The following TLR5 variants were observed in gnomAD, a reference collection of about 807,000 sequenced individuals.
TLR5 encodes toll like receptor 5.
For missense variants in TLR5, 944 were observed against 999.8 expected (o/e 0.94, Z 0.75); for synonymous variants, 373 against 384.4 (o/e 0.97, Z 0.35).
chr1:223,141,508 C>T (rs1657837142), intron 2 of TLR5, 140 bp downstream of exon 2: 1 of 152,076 alleles, frequency 6.6e-6, no homozygotes, highest in Non-Finnish European at 1.5e-5. Context: ...CACAGTGGCT[C>T]ACACCTGTAA....
chr1:223,142,386 G>A lies in TLR5; in HGVS notation c.-554-623C>T, dbSNP rs533923300. Among the ~76,000 whole-genome samples, 13 of 152,286 alleles carry A rather than the reference G, an allele frequency of 8.5e-5. No homozygotes were observed. The South Asian group carries it at 2.7e-3, about 32-fold the overall frequency. ...GCAGTTCACGGTGCTGGACGGATGT[G>A]TTCCCAACACTAGGTAACAACACCG... On this transcript the variant is annotated intron_variant, in intron 1 of 5. Transcript: ENST00000642603.
chr1:223,124,041 C>G (rs1433675479), intron 5 of TLR5: 1 of 152,294 alleles, frequency 6.6e-6, no homozygotes, highest in East Asian at 1.9e-4. Flanking sequence ...ACATACATTC[C>G]TTTTTACAAG....
chr1:223,116,139 T>C (rs1656625518), intron 5 of TLR5, among the ~76,000 whole-genome samples: 1 of 152,190 alleles, frequency 6.6e-6, no homozygotes, highest in African/African-American at 2.4e-5. Context: ...CCCTTACTTG[T>C]CTTGTCTATT....
Position 223,121,485 on chromosome 1 carries a change from T to C in TLR5, c.-4-8450A>G, listed in dbSNP as rs185978693. On this transcript the variant is annotated intron_variant, in intron 5 of 5. Coordinates refer to ENST00000642603, the MANE Select transcript of TLR5 (RefSeq NM_003268.6). ...CTCTGATGACTAAAGCCAGGAATTC[T>C]GCGAATCCTATGTATTCTTTCCATC... Among the ~76,000 whole-genome samples, 393 of 152,342 alleles carry C rather than the reference T, an allele frequency of 2.6e-3. 2 individuals carry two copies. Among genetic ancestry groups the C allele is most frequent in the South Asian group, 4.6e-3 (22 of 4,826 alleles).
At chr1:223,113,613 TTTA>T (rs1403535502) in intron 5 of TLR5, among the ~76,000 whole-genome samples, 2 of 152,144 alleles carry the variant, frequency 1.3e-5, no homozygotes, top group Non-Finnish European at 2.9e-5. Flanking sequence ...AAAAATTTTA[TTTA>T]TTATTCTAAA....
At chr1:223,114,952 C>T (rs1050664275) in intron 5 of TLR5, among the ~76,000 whole-genome samples, 10 of 152,162 alleles carry the variant, frequency 6.6e-5, no homozygotes, top group Non-Finnish European at 1.3e-4. Flanking sequence ...TACTGTAAGC[C>T]GCCGCCATCT....
At chr1:223,117,562 C>CAAAAAAAAAAAAAAAAA (rs66839180) in intron 5 of TLR5, among the ~76,000 whole-genome samples, 10 of 105,118 alleles carry the variant, frequency 9.5e-5, no homozygotes, top group East Asian at 2.8e-4. Context: ...ATGGTGTTCA[C>CAAAAAAAAAAAAAAAAA]AAAAAAAAAA....
intron 5 of TLR5, chr1:223,129,287 C>T (rs371710957): frequency 1.3e-5 from 2 of 152,360 alleles, no homozygotes; most frequent in African/African-American, 2.4e-5. Context: ...TGTGCAGTGT[C>T]CGATACGCCA....
chr1:223,126,629 T>C (rs535799013), intron 5 of TLR5, among the ~76,000 whole-genome samples: 2 of 152,318 alleles, frequency 1.3e-5, no homozygotes, highest in East Asian at 3.9e-4. Context: ...TATAGCCATA[T>C]CCCAGTTACT....
intron 5 of TLR5, among the ~76,000 whole-genome samples, chr1:223,124,755 C>A (rs1657098875): frequency 6.6e-6 from 1 of 152,150 alleles, no homozygotes; most frequent in Non-Finnish European, 1.5e-5. Flanking sequence ...AGGTGTGCAC[C>A]ACCATGCCTG....
chr1:223,130,680 G>C (rs1250838375), intron 5 of TLR5, among the ~76,000 whole-genome samples: 2 of 152,290 alleles, frequency 1.3e-5, no homozygotes, highest in South Asian at 2.1e-4. Context: ...GAGTGAGCTT[G>C]TTGCTTCCTT....
At chr1:223,119,984 A>AAATAAAATAAAATAAAAT in intron 5 of TLR5, among the ~76,000 whole-genome samples, 2 of 65,030 alleles carry the variant, frequency 3.1e-5, no homozygotes, top group African/African-American at 1.8e-4. Flanking sequence ...AAAATAAATA[A>AAATAAAATAAAATAAAAT]AATAAAATAA....
In TLR5 at chr1:223,112,839, A is replaced by C. The variant is rs1656433906; in HGVS notation, c.193T>G (p.Ser65Ala). 2 of 1,613,332 alleles carry C rather than the reference A, an allele frequency of 1.2e-6. No individual in the cohort carries two copies. Among genetic ancestry groups the C allele is most frequent in the Non-Finnish European group, 1.7e-6 (2 of 1,179,536 alleles). ...TGCAGCTGTTCCAGAAAGGGGAAGG[A>C]TGAAGCAGTGACTGTCCTGATATAG... ...FNYIRTVTASSFPFLEQLQLL... is the reference protein window; with the variant it reads ...FNYIRTVTASAFPFLEQLQLL... The change falls in exon 6 of 6, where the codon TCC (serine) becomes GCC (alanine). Residue 65 changes from serine (S) to alanine (A), a missense_variant. Ser to Ala is a moderately conservative substitution (Grantham distance 99, BLOSUM62 1). Coordinates refer to ENST00000642603, the MANE Select transcript of TLR5 (RefSeq NM_003268.6).
At position 223,113,005 on chromosome 1, in the gene TLR5, T is replaced by C. The variant is rs755684849; in HGVS notation, c.27A>G (p.Leu9=). 24 of 1,614,124 alleles carry C rather than the reference T, an allele frequency of 1.5e-5. No individual in the cohort carries two copies. The Admixed American group carries it at 4.0e-4, about 27-fold the overall frequency. MGDHLDLL[L]GVVLMAGPVF... ...CAGGACCGGCCATGAGCACCACTCCTAGGAGAAGGTCCAGGTGGTCTCCCA... is the reference window on the plus strand; with the variant it reads ...CAGGACCGGCCATGAGCACCACTCCCAGGAGAAGGTCCAGGTGGTCTCCCA... The change falls in exon 6 of 6, where the codon CTA becomes CTG. Residue 9 remains leucine (L), a synonymous_variant. Coordinates refer to ENST00000642603, the MANE Select transcript of TLR5 (RefSeq NM_003268.6).
chr1:223,113,185 TACAG>T (rs1656458159), intron 5 of TLR5, 150 bp from the exon 6 acceptor site: 1 of 781,776 alleles, frequency 1.3e-6, no homozygotes, highest in South Asian at 1.5e-5. Context: ...TGTTGGCAGA[TACAG>T]ACAAAACTAT....
intron 3 of TLR5, among the ~76,000 whole-genome samples, chr1:223,135,869 C>G (rs1657591480): frequency 6.6e-6 from 1 of 152,194 alleles, no homozygotes; most frequent in African/African-American, 2.4e-5. Context: ...CAAGAAATTA[C>G]CCTCAGAGGA....
intron 5 of TLR5, among the ~76,000 whole-genome samples, chr1:223,125,313 T>C (rs1336193502): frequency 6.6e-6 from 1 of 152,164 alleles, no homozygotes; most frequent in Non-Finnish European, 1.5e-5. Flanking sequence ...GCAGGTTCTA[T>C]ATAAGATTCT....
In TLR5 at chr1:223,124,597, T is replaced by C. The variant is rs910284343; in HGVS notation, c.-5+7878A>G. On this transcript the variant is annotated intron_variant, in intron 5 of 5. Coordinates refer to ENST00000642603, the MANE Select transcript of TLR5 (RefSeq NM_003268.6). ...CTTGTGGAAGTGGACATCCGAAAGA[T>C]TGCAGCTTGTGAGTTATTTTATTTT... Among the ~76,000 whole-genome samples the C allele has an allele frequency of 1.1e-4, 17 of 152,258 alleles. 1 individual carries two copies. Among genetic ancestry groups the C allele is most frequent in the Admixed American group, 8.5e-4 (13 of 15,282 alleles).
chr1:223,124,670 T>A (rs1057252638), intron 5 of TLR5, among the ~76,000 whole-genome samples: 12 of 152,298 alleles, frequency 7.9e-5, no homozygotes, highest in Middle Eastern at 3.4e-3. Context: ...TGGAATGCAA[T>A]CCAGCTCACT....
Sources: gnomAD v4.1 joint callset for allele counts (sites outside exome capture counted in the v4.1 genomes callset) on GRCh38, gnomAD v4.1.1 for gene constraint, MANE v1.5 for transcripts, NCBI Gene and HGNC (gene_info 2026-07-23, HGNC 2026-07-21) for gene names.